Variants in COL21A1 observed in about 807,000 individuals in gnomAD.
COL21A1 encodes the protein collagen type XXI alpha 1 chain.
Under a neutral mutation model 137.9 loss-of-function variants are expected in COL21A1, and 149 were observed. That is an observed-to-expected ratio of 1.08 (90% CI 0.95 to 1.24). COL21A1 has a LOEUF of 1.24. Ranked by LOEUF, COL21A1 falls within the 50% of genes most tolerant of loss-of-function variation. COL21A1 has a pLI of 0.00. For missense variants in COL21A1, 1,167 were observed against 1,158.4 expected (o/e 1.01, Z -0.11); for synonymous variants, 456 against 391.5 (o/e 1.16, Z -1.95).
intron 12 of COL21A1, among the ~76,000 whole-genome samples, chr6:56,140,785 A>G (rs1001009215): frequency 6.6e-6 from 1 of 152,212 alleles, no homozygotes; most frequent in Non-Finnish European, 1.5e-5. Context: ...TTTAACCCCA[A>G]CAATGAACTT....
intron 1 of COL21A1, among the ~76,000 whole-genome samples, chr6:56,288,821 C>T (rs539911552): frequency 3.7e-4 from 57 of 152,274 alleles, no homozygotes; most frequent in Non-Finnish European, 7.2e-4. Context: ...GATAGCAGTA[C>T]AGTGATGAAA....
Position 56,170,682 on chromosome 6 carries a change from T to C in COL21A1, c.993A>G (p.Ser331=), listed in dbSNP as rs1776964186. The change falls in exon 5 of 30, where the codon TCA becomes TCG. Residue 331 remains serine (S), a synonymous_variant. Coordinates refer to ENST00000244728, the MANE Select transcript of COL21A1 (RefSeq NM_030820.4). ...GAGGGTTAGCAAAGGTAACCACTTG[T>C]GAGCCATTAATTACGCTGGTTGTTG... ...LFTTTSVING[S]QVVTFANPQV... 6.2e-7 allele frequency: 1 copy of C among 1,601,442 alleles called. No individual in the cohort carries two copies. Among genetic ancestry groups the C allele is most frequent in the East Asian group, 2.2e-5 (1 of 44,678 alleles).
At chr6:56,188,687 G>A (rs560857697) in intron 1 of COL21A1, among the ~76,000 whole-genome samples, 52 of 152,246 alleles carry the variant, frequency 3.4e-4, no homozygotes, top group South Asian at 2.5e-3. Context: ...TTTATCCTGG[G>A]TCCCCAGTAG....
chr6:56,368,874 A>G (rs2152349779), intron 1 of COL21A1, among the ~76,000 whole-genome samples: 1 of 152,256 alleles, frequency 6.6e-6, no homozygotes, highest in East Asian at 1.9e-4. Flanking sequence ...CTGGTATACC[A>G]TTCATTTTAT....
intron 10 of COL21A1, among the ~76,000 whole-genome samples, chr6:56,155,708 G>A (rs1775688716): frequency 6.6e-6 from 1 of 152,140 alleles, no homozygotes. Context: ...TGATTCTTGT[G>A]CCTCAGCCTC....
chr6:56,206,689 AATAAATAAATAT>A (rs1779798385), intron 1 of COL21A1, among the ~76,000 whole-genome samples: 4 of 22,204 alleles, frequency 1.8e-4, no homozygotes, highest in Non-Finnish European at 3.7e-4. Context: ...AAAATAAATA[AATAAATAAATAT>A]ATATATATAT....
intron 1 of COL21A1, among the ~76,000 whole-genome samples, chr6:56,360,531 A>G (rs575546112): frequency 6.6e-6 from 1 of 152,232 alleles, no homozygotes; most frequent in South Asian, 2.1e-4. Context: ...GAATAATGCA[A>G]TAGCAACAGG....
intron 19 of COL21A1, 53 bp from the exon 20 acceptor site, chr6:56,074,338 AT>A: frequency 8.2e-7 from 1 of 1,214,058 alleles, no homozygotes; most frequent in Non-Finnish European, 1.2e-6. Flanking sequence ...TTATTAAAAA[AT>A]ATTAAATCAA....
chr6:56,060,441 A>G (rs976358858), intron 27 of COL21A1: 1 of 514,592 alleles, frequency 1.9e-6, no homozygotes, highest in Non-Finnish European at 3.3e-6. Flanking sequence ...AAAAAGTGAA[A>G]GTGCCCCCAA....
At chr6:56,087,490 T>G (rs1768377592) in intron 17 of COL21A1, among the ~76,000 whole-genome samples, 1 of 152,134 alleles carries the variant, frequency 6.6e-6, no homozygotes, top group Non-Finnish European at 1.5e-5. Flanking sequence ...CAAAAGAACT[T>G]TAAAATGCAG....
At chr6:56,354,121 C>T (rs1765779012) in intron 1 of COL21A1, among the ~76,000 whole-genome samples, 1 of 152,014 alleles carries the variant, frequency 6.6e-6, no homozygotes, top group African/African-American at 2.4e-5. Flanking sequence ...TAAAAGAAAC[C>T]AGACATTAAA....
At chr6:56,067,055 A>C (rs1459243187) in intron 23 of COL21A1, among the ~76,000 whole-genome samples, 1 of 150,602 alleles carries the variant, frequency 6.6e-6, no homozygotes, top group Non-Finnish European at 1.5e-5. Flanking sequence ...GTATATAATA[A>C]AATTTATGTC....
Position 56,182,614 on chromosome 6 carries a change from G to A in COL21A1, c.5C>T (p.Ala2Val). M[A>V]HYITFLCMVL... ...CATGCAGAGAAATGTAATATAGTGA[G>A]CCATGTTTCTGTTTTCGTTCTAATA... Residue 2 changes from alanine (A) to valine (V), a missense_variant, in exon 2 of 30, where the codon GCT becomes GTT. Transcript: ENST00000244728. 1 of 1,597,216 alleles carries A rather than the reference G, an allele frequency of 6.3e-7. No homozygotes were observed. Among genetic ancestry groups the A allele is most frequent in the South Asian group, 1.1e-5 (1 of 88,380 alleles).
In COL21A1 at chr6:56,191,315, C is replaced by T. The variant is rs192163515; in HGVS notation, c.-38-8659G>A. 2.6e-5 allele frequency among the ~76,000 whole-genome samples: 4 copies of T among 151,330 alleles called. No individual in the cohort carries two copies. In the East Asian group the frequency reaches 7.8e-4, roughly 29 times the overall value. ...AGTATTCCCATACACCAATAACAGACAAACAGAGAGCCAATAATCCCAGCG... is the reference window on the plus strand; with the variant it reads ...AGTATTCCCATACACCAATAACAGATAAACAGAGAGCCAATAATCCCAGCG... On this transcript the variant is annotated intron_variant, in intron 1 of 29. Coordinates refer to ENST00000244728, the MANE Select transcript of COL21A1 (RefSeq NM_030820.4).
intron 1 of COL21A1, among the ~76,000 whole-genome samples, chr6:56,202,839 C>A (rs899109276): frequency 6.6e-6 from 1 of 152,026 alleles, no homozygotes; most frequent in Non-Finnish European, 1.5e-5. Context: ...AATATTCAAG[C>A]AACAAAAGAA....
chr6:56,256,699 A>T (rs9367679), intron 1 of COL21A1, among the ~76,000 whole-genome samples: 31,446 of 142,222 alleles, frequency 0.22, 4,045 homozygotes, highest in Non-Finnish European at 0.3. Context: ...AATATTTTTT[A>T]AAAATTTTAA....
At chr6:56,083,947 G>A (rs1768002117) in intron 17 of COL21A1, among the ~76,000 whole-genome samples, 1 of 151,742 alleles carries the variant, frequency 6.6e-6, no homozygotes, top group South Asian at 2.1e-4. Context: ...TAACAATTTA[G>A]AAGAAAAACA....
intron 1 of COL21A1, among the ~76,000 whole-genome samples, chr6:56,199,220 T>C (rs1182713738): frequency 6.6e-6 from 1 of 152,168 alleles, no homozygotes; most frequent in Non-Finnish European, 1.5e-5. Context: ...CCTTGGTTAC[T>C]TGCCTCACTT....
chr6:56,294,153 C>A (rs1057155479), intron 1 of COL21A1, among the ~76,000 whole-genome samples: 1 of 152,058 alleles, frequency 6.6e-6, no homozygotes, highest in Admixed American at 6.6e-5. Flanking sequence ...GGGACTATCA[C>A]TTACAATTAT....
Sources: gnomAD v4.1 joint callset for allele counts (sites outside exome capture counted in the v4.1 genomes callset) on GRCh38, gnomAD v4.1.1 for gene constraint, MANE v1.5 for transcripts, NCBI Gene and HGNC (gene_info 2026-07-23, HGNC 2026-07-21) for gene names.